RBM26: variants seen among roughly 807,000 people sequenced by gnomAD.
The protein encoded by RBM26 is RNA-binding protein 26.
RBM26 carries 30 observed loss-of-function variants against 123.6 expected under a neutral mutation model. The ratio of observed to expected loss-of-function variants is 0.24; its 90% CI spans 0.18 to 0.33. The LOEUF (loss-of-function observed/expected upper bound fraction) is 0.33, where lower values mean the gene tolerates loss of function less well. Ranked by LOEUF, RBM26 falls within the 10% of genes least tolerant of loss-of-function variation. RBM26 has a pLI of 1.00. For missense variants in RBM26, 947 were observed against 1,203.6 expected (o/e 0.79, Z 3.15); for synonymous variants, 400 against 404.4 (o/e 0.99, Z 0.13).
intron 11 of RBM26, among the ~76,000 whole-genome samples, chr13:79,356,532 C>A (rs1175119218): frequency 6.6e-6 from 1 of 152,092 alleles, no homozygotes; most frequent in Non-Finnish European, 1.5e-5. Context: ...ATCCACTCTT[C>A]AGTGTTAAGA....
At chr13:79,356,964 GC>G (rs1376758964) in intron 11 of RBM26, among the ~76,000 whole-genome samples, 1 of 152,100 alleles carries the variant, frequency 6.6e-6, no homozygotes, top group East Asian at 1.9e-4. Flanking sequence ...AAATGAAATT[GC>G]CATAAAAAGA....
At chr13:79,346,953 G>A (rs2072431580) in intron 14 of RBM26, among the ~76,000 whole-genome samples, 1 of 152,112 alleles carries the variant, frequency 6.6e-6, no homozygotes, top group Non-Finnish European at 1.5e-5. Context: ...AATGAATATC[G>A]TAACCCAATT....
chr13:79,342,683 CT>C lies in RBM26; in HGVS notation c.2407del (p.Ser803ValfsTer2). ...AAATACCTGAGTCTTGGTTTTTATA[CT>C]TTTTGGAAGACAGCGTCCAGGAGAA... ...AASPGRCLPKSIKTKTQMQKE... is the reference protein window; with the variant it reads ...AASPGRCLPKXIKTKTQMQKE... On this transcript the variant is annotated frameshift_variant, in exon 17 of 22. Coordinates refer to ENST00000438737, the MANE Select transcript of RBM26 (RefSeq NM_001366735.2). LOFTEE classifies it high-confidence loss of function. The C allele has an allele frequency of 6.2e-7, 1 of 1,607,176 alleles. No homozygotes were observed. Among genetic ancestry groups the C allele is most frequent in the African/African-American group, 1.3e-5 (1 of 74,512 alleles).
chr13:79,373,312 ATAAATATATATAAATAT>A (rs1473783815), intron 3 of RBM26, among the ~76,000 whole-genome samples: 2 of 107,808 alleles, frequency 1.9e-5, no homozygotes, highest in Non-Finnish European at 3.4e-5. Flanking sequence ...AAAAATATAA[ATAAATATATATAAATAT>A]AAAATATATA....
chr13:79,385,175 C>G (rs1242351706), intron 1 of RBM26, among the ~76,000 whole-genome samples: 1 of 152,108 alleles, frequency 6.6e-6, no homozygotes, highest in Non-Finnish European at 1.5e-5. Context: ...CTTAGAATTA[C>G]TCTTTTAAAA....
chr13:79,374,042 T>C (rs1053449193), intron 3 of RBM26, among the ~76,000 whole-genome samples: 6 of 151,960 alleles, frequency 3.9e-5, no homozygotes, highest in East Asian at 1.9e-4. Flanking sequence ...ATAAATAAGA[T>C]AGGGCTCAAG....
chr13:79,362,466 C>T (rs901897032), intron 9 of RBM26, among the ~76,000 whole-genome samples: 1 of 152,136 alleles, frequency 6.6e-6, no homozygotes, highest in African/African-American at 2.4e-5. Flanking sequence ...CTTACAGTCA[C>T]AAAATTCCTT....
chr13:79,320,758 A>T, intron 21 of RBM26, 48 bp from the exon 22 acceptor site: 1 of 1,371,642 alleles, frequency 7.3e-7, no homozygotes, highest in Non-Finnish European at 9.8e-7. Context: ...AAAAAAAAAG[A>T]AAAGAAAAAA....
intron 15 of RBM26, 73 bp downstream of exon 15, chr13:79,344,596 A>G: frequency 7.5e-7 from 1 of 1,326,356 alleles, no homozygotes; most frequent in Non-Finnish European, 1.1e-6. Flanking sequence ...TGCAATAAGC[A>G]CTGAAAAAAC....
chr13:79,363,002 T>C (rs931010278), intron 9 of RBM26, among the ~76,000 whole-genome samples: 1 of 152,208 alleles, frequency 6.6e-6, no homozygotes, highest in Admixed American at 6.5e-5. Context: ...ACTGGTTTTG[T>C]TGACTAGAAA....
At chr13:79,370,745 T>C (rs371469619) in intron 5 of RBM26, among the ~76,000 whole-genome samples, 200 bp downstream of exon 5, 2 of 152,246 alleles carry the variant, frequency 1.3e-5, no homozygotes, top group Admixed American at 6.5e-5. Context: ...GGCTATCCTG[T>C]TGAATGTGTA....
chr13:79,367,430 A>AAAAG (rs1555326395), intron 6 of RBM26, among the ~76,000 whole-genome samples: 19 of 47,192 alleles, frequency 4.0e-4, no homozygotes, highest in African/African-American at 9.4e-4. Flanking sequence ...AAAAAAAAAA[A>AAAAG]AAGAAGAAGA....
rs752643615 is a variant in RBM26, at chr13:79,341,180, C to A, written c.2475G>T (p.Met825Ile). Residue 825 changes from methionine (M) to isoleucine (I), a missense_variant, in exon 18 of 22, where the codon ATG becomes ATT. Met to Ile is a conservative substitution (Grantham distance 10, BLOSUM62 1). Around this residue, in one of 5 missense-constraint regions of RBM26, gnomAD observed 4 missense variants for 19.7 expected, o/e 0.20. Transcript: ENST00000438737. Reference sequence around the variant, plus strand: ...GTTCAGTGACTTCTTCTCCAGCCTGCATCTTCTTATATAAATCCAGTTCTG... The same window carrying A: ...GTTCAGTGACTTCTTCTCCAGCCTGAATCTTCTTATATAAATCCAGTTCTG... Reference protein sequence around the residue: ...LDTELDLYKKMQAGEEVTELR... With the variant: ...LDTELDLYKKIQAGEEVTELR... The A allele has an allele frequency of 1.2e-4, 192 of 1,610,128 alleles. No homozygotes were observed. Among genetic ancestry groups the A allele is most frequent in the Non-Finnish European group, 1.6e-4 (185 of 1,177,674 alleles).
intron 20 of RBM26, among the ~76,000 whole-genome samples, chr13:79,328,328 C>A: frequency 6.6e-6 from 1 of 151,556 alleles, no homozygotes; most frequent in Non-Finnish European, 1.5e-5. Context: ...TGGAACACAC[C>A]CAAATAAACA....
intron 7 of RBM26, 80 bp from the exon 8 acceptor site, chr13:79,366,275 CTCATT>C (rs754713879): frequency 4.2e-5 from 60 of 1,413,582 alleles, no homozygotes; most frequent in Non-Finnish European, 5.7e-5. Flanking sequence ...ACATAATCTT[CTCATT>C]TATCAAACTA....
At chr13:79,328,892 C>T (rs1271001234) in intron 20 of RBM26, among the ~76,000 whole-genome samples, 1 of 151,498 alleles carries the variant, frequency 6.6e-6, no homozygotes, top group Non-Finnish European at 1.5e-5. Flanking sequence ...ACTGATACCC[C>T]ACTCCGATAA....
chr13:79,393,772 C>T (rs757573466), intron 1 of RBM26, among the ~76,000 whole-genome samples: 6 of 152,128 alleles, frequency 3.9e-5, no homozygotes, highest in Non-Finnish European at 7.4e-5. Flanking sequence ...GGACCTGAGG[C>T]ACTAATGGCC....
chr13:79,366,547 A>G (rs772496585), intron 7 of RBM26, 86 bp downstream of exon 7: 17 of 1,360,850 alleles, frequency 1.2e-5, no homozygotes, highest in Non-Finnish European at 1.6e-5. Context: ...ATTCCTTTAG[A>G]TACTTTTAAT....
intron 4 of RBM26, among the ~76,000 whole-genome samples, chr13:79,371,469 C>A (rs1172948472): frequency 1.3e-5 from 2 of 152,028 alleles, no homozygotes; most frequent in Non-Finnish European, 2.9e-5. Context: ...CATATAATCT[C>A]ACTTACAGAC....
Sources: allele counts gnomAD v4.1 joint callset (sites outside exome capture counted in the v4.1 genomes callset), GRCh38; gene constraint gnomAD v4.1.1; regional missense constraint gnomAD v4.1.1; transcripts MANE v1.5; gene names NCBI Gene and HGNC (gene_info 2026-07-23, HGNC 2026-07-21).